Variants in MAFK observed in about 807,000 individuals in gnomAD.
MAFK encodes transcription factor MafK.
Under a neutral mutation model 9.2 loss-of-function variants are expected in MAFK, and 1 was observed. That is an observed-to-expected ratio of 0.11 (90% confidence interval 0.04 to 0.52). The LOEUF is 0.52. MAFK is among the 20% of genes least tolerant of loss of function. MAFK has a pLI of 0.94. For missense variants in MAFK, 207 were observed against 236.0 expected, an observed-to-expected ratio of 0.88 and a Z score of 0.81; for synonymous variants, 110 against 107.4, an observed-to-expected ratio of 1.02 and a Z score of -0.15.
At position 1,540,277 on chromosome 7, in the gene MAFK, C is replaced by T. The variant is rs778713521; in HGVS notation, c.373C>T (p.Pro125Ser). 3 of 1,611,580 alleles carry T rather than the reference C, an allele frequency of 1.9e-6. No homozygotes were observed. The highest frequency in any genetic ancestry group is 2.5e-6 in the Non-Finnish European group (3 of 1,179,324). Residue 125 changes from proline to serine, a missense_variant, in exon 3 of 3, where the codon CCT becomes TCT. Pro to Ser is a moderately conservative substitution (Grantham distance 74). Coordinates refer to ENST00000343242, the MANE Select transcript of MAFK (RefSeq NM_002360.4). ...CTTCGCGCGCACCGTGGCCCGGGGA[C>T]CTGTGGCGCCCTCCAAGGTGGCCAC... ...QTFARTVARG[P>S]VAPSKVATTS...
At position 1,541,407 on chromosome 7, in the gene MAFK, C is replaced by G. The variant is rs773910538; in HGVS notation, c.*1032C>G. ...GCAGTCTAGGGAGAGGGGGTGCAGC[C>G]TGGGGGATGTTGGTGGACATGGATG... On this transcript the variant is annotated 3_prime_UTR_variant, in exon 3 of 3. Transcript: ENST00000343242. 6.5e-6 allele frequency: 1 copy of G among 153,018 alleles called. No individual in the cohort carries two copies. The highest frequency in any genetic ancestry group is 2.4e-5 in the African/African-American group (1 of 41,268). The allele number at this position is 153,018 out of a possible 1,614,324, so 9.5% of individuals were successfully genotyped here.
At chr7:1,537,707 C>T (rs945075584) in intron 1 of MAFK, 21 of 985,476 alleles carry the variant, frequency 2.1e-5, no homozygotes, top group Middle Eastern at 5.2e-4. Context: ...ACCTGTGCGG[C>T]CCTCTTGTTG....
At chr7:1,538,515 C>G (rs1349324489) in intron 1 of MAFK, 5 of 815,428 alleles carry the variant, frequency 6.1e-6, no homozygotes, top group Non-Finnish European at 7.4e-6. Context: ...GGCCTCCACC[C>G]AGGCCCACCG....
rs1783967352 is a variant in MAFK, at chr7:1,534,085, A to G, written c.-45+3187A>G. 2.7e-6 allele frequency: 1 copy of G among 373,010 alleles called. No individual in the cohort carries two copies. The highest frequency in any genetic ancestry group is 1.9e-5 in the South Asian group (1 of 53,968). 23.1% of individuals were successfully genotyped at this position (373,010 alleles called of 1,614,324 possible). A position where few individuals can be genotyped will look rare whatever the true frequency, so the allele number is the denominator to read the frequency against. ...CAGACGTCCTCCAAGCCGGGCCGAC[A>G]GTCATGGCTTGCTGGAGGGCAGCCA... is the stretch of plus-strand genomic sequence containing the variant. On this transcript the variant is annotated intron_variant, in intron 1 of 2. Coordinates refer to ENST00000343242, the MANE Select transcript of MAFK (RefSeq NM_002360.4). The surrounding 1 kb of genome is among the most constrained non-coding windows in gnomAD (Gnocchi z 4.3).
chr7:1,540,574 CG>C lies in MAFK; in HGVS notation c.*201del. 3 of 590,350 alleles carry C rather than the reference CG, an allele frequency of 5.1e-6. No individual in the cohort carries two copies. Among genetic ancestry groups the C allele is most frequent in the Admixed American group, 6.9e-5 (2 of 28,916 alleles). 36.6% of individuals were successfully genotyped at this position (590,350 alleles called of 1,614,324 possible). ...CTCCCGTGGGCCCAGAGCTGCACGC[CG>C]GTCCACAGACACACTCACGCCCGCC... On this transcript the variant is annotated 3_prime_UTR_variant, in exon 3 of 3. Transcript: ENST00000343242.
chr7:1,531,066 C>T (rs532209344), intron 1 of MAFK, among the ~76,000 whole-genome samples, 168 bp downstream of exon 1: 1 of 147,610 alleles, frequency 6.8e-6, no homozygotes. Context: ...CGGCGCGGCC[C>T]GGGCACCTGC....
At chr7:1,537,599 C>T (rs1404516063) in intron 1 of MAFK, 43 of 985,436 alleles carry the variant, frequency 4.4e-5, no homozygotes, top group African/African-American at 7.0e-5. Context: ...TCCCCGGGAC[C>T]GGCTGGTGCC....
At chr7:1,539,285 G>A (rs2128552281) in intron 2 of MAFK, 57 bp downstream of exon 2, 4 of 1,410,428 alleles carry the variant, frequency 2.8e-6, no homozygotes, top group Non-Finnish European at 3.9e-6. Context: ...AAGGCCCCCG[G>A]CCCGACAGCC....
chr7:1,534,800 A>G lies in MAFK; in HGVS notation c.-45+3902A>G. 2.8e-6 allele frequency: 1 copy of G among 362,298 alleles called. No individual in the cohort carries two copies. The highest frequency in any genetic ancestry group is 5.6e-6 in the Non-Finnish European group (1 of 177,474). The allele number at this position is 362,298 out of a possible 1,614,324, so 22.4% of individuals were successfully genotyped here. A position where few individuals can be genotyped will look rare whatever the true frequency, so the allele number is the denominator to read the frequency against. The stretch of plus-strand genomic sequence containing the variant: ...TGCGTCCTCTCATCTGGGAAGAATC[A>G]GAGCCCCAAAGCTGAAATCCCCGTT... On this transcript the variant is annotated intron_variant, in intron 1 of 2. Transcript: ENST00000343242. The surrounding 1 kb of genome is among the most constrained non-coding windows in gnomAD (Gnocchi z 4.3).
At chr7:1,539,916 C>G (rs892013093) in intron 2 of MAFK, 25 bp from the exon 3 acceptor site, 4 of 1,489,164 alleles carry the variant, frequency 2.7e-6, no homozygotes, top group Non-Finnish European at 3.6e-6. Flanking sequence ...TCTCCCGCCG[C>G]TGACCCCGCA....
chr7:1,539,952 G>A lies in MAFK; in HGVS notation c.48G>A (p.Glu16=). ...CTGTGGCCCCCCAGGTCAAGAAGGA[G>A]GCGGGCGAGAACGCCCCGGTGCTCA... ...KPNKALKVKK[E]AGENAPVLSD... is the part of the protein sequence containing the mutation. Residue 16 remains glutamate, a synonymous_variant, in exon 3 of 3, where the codon GAG becomes GAA. Coordinates refer to ENST00000343242, the MANE Select transcript of MAFK (RefSeq NM_002360.4). 1 of 1,531,654 alleles carries A rather than the reference G, an allele frequency of 6.5e-7. No homozygotes were observed. The highest frequency in any genetic ancestry group is 8.8e-7 in the Non-Finnish European group (1 of 1,134,684). 94.9% of individuals were successfully genotyped at this position (1,531,654 alleles called of 1,614,324 possible).
At chr7:1,537,465 A>T in intron 1 of MAFK, 1 of 985,504 alleles carries the variant, frequency 1.0e-6, no homozygotes, top group Non-Finnish European at 1.2e-6. Flanking sequence ...AAAGTTTCTC[A>T]TGGTGCTCCC....
In MAFK at chr7:1,532,982, CTATT is replaced by C. The variant is rs1009202974; in HGVS notation, c.-45+2090_-45+2093del. On this transcript the variant is annotated intron_variant, in intron 1 of 2. Transcript: ENST00000343242. This position sits in a 1 kb window ranked among gnomAD's most constrained non-coding sequence, Gnocchi z 4.5. ...CGCGAATGGAAGATGCCTTTCCCCG[CTATT>C]TATTTTTGCTTTTTATAAGTCACAG... Among the ~76,000 whole-genome samples, 4 of 152,190 alleles carry C rather than the reference CTATT, an allele frequency of 2.6e-5. No individual in the cohort carries two copies. Among genetic ancestry groups the C allele is most frequent in the Non-Finnish European group, 4.4e-5 (3 of 68,044 alleles).
intron 1 of MAFK, among the ~76,000 whole-genome samples, chr7:1,531,774 CT>C (rs1421215937): frequency 6.6e-6 from 1 of 152,210 alleles, no homozygotes; most frequent in Non-Finnish European, 1.5e-5. Flanking sequence ...CCCGCCTGGC[CT>C]TGGCCCTTGA....
chr7:1,532,455 T>C lies in MAFK; in HGVS notation c.-45+1557T>C, dbSNP rs541541725. Among the ~76,000 whole-genome samples the C allele has an allele frequency of 6.6e-6, 1 of 152,310 alleles. No homozygotes were observed. Among genetic ancestry groups the C allele is most frequent in the Admixed American group, 6.5e-5 (1 of 15,292 alleles). On this transcript the variant is annotated intron_variant, in intron 1 of 2. Coordinates refer to ENST00000343242, the MANE Select transcript of MAFK (RefSeq NM_002360.4). This position sits in a 1 kb window ranked among gnomAD's most constrained non-coding sequence, Gnocchi z 4.5. ...CTTTTAAAACTAGACCTCTCATTAT[T>C]CCAAAATAAGACATTTATTAAAGCA...
At chr7:1,539,615 A>C (rs1784126523) in intron 2 of MAFK, among the ~76,000 whole-genome samples, 2 of 152,234 alleles carry the variant, frequency 1.3e-5, no homozygotes, top group African/African-American at 4.8e-5. Flanking sequence ...TGCCGCCTCC[A>C]CAATGGCGTG....
At position 1,540,490 on chromosome 7, in the gene MAFK, C is replaced by A; in HGVS notation, c.*115C>A. 9.3e-7 allele frequency: 1 copy of A among 1,078,186 alleles called. No homozygotes were observed. The highest frequency in any genetic ancestry group is 1.3e-6 in the Non-Finnish European group (1 of 770,172). 66.8% of individuals were successfully genotyped at this position (1,078,186 alleles called of 1,614,324 possible). On this transcript the variant is annotated 3_prime_UTR_variant, in exon 3 of 3. Transcript: ENST00000343242. The stretch of plus-strand genomic sequence containing the variant: ...CTCGACATCCGAGTCCAAGCGCAGG[C>A]CCCTCGGGCGCAGGCAGCTCACACC...
At position 1,534,892 on chromosome 7, in the gene MAFK, T is replaced by G. The variant is rs1183468391; in HGVS notation, c.-45+3994T>G. On this transcript the variant is annotated intron_variant, in intron 1 of 2. Transcript: ENST00000343242. The surrounding 1 kb of genome is among the most constrained non-coding windows in gnomAD (Gnocchi z 4.3). ...TCCAGCCGTCAGCTGCTCAACTCAC[T>G]TTTGCACTCTCTCTTTTTTTTTTTC... The G allele has an allele frequency of 3.4e-6, 1 of 294,170 alleles. No individual in the cohort carries two copies. Among genetic ancestry groups the G allele is most frequent in the African/African-American group, 2.2e-5 (1 of 45,442 alleles). The allele number at this position is 294,170 out of a possible 1,614,324, so 18.2% of individuals were successfully genotyped here.
chr7:1,532,616 C>T lies in MAFK; in HGVS notation c.-45+1718C>T, dbSNP rs866749007. Among the ~76,000 whole-genome samples, 1 of 152,164 alleles carries T rather than the reference C, an allele frequency of 6.6e-6. No individual in the cohort carries two copies. The highest frequency in any genetic ancestry group is 2.4e-5 in the African/African-American group (1 of 41,434). On this transcript the variant is annotated intron_variant, in intron 1 of 2. Coordinates refer to ENST00000343242, the MANE Select transcript of MAFK (RefSeq NM_002360.4). The surrounding 1 kb of genome is among the most constrained non-coding windows in gnomAD (Gnocchi z 4.5). ...TTACCGAGGGTCAGGGTTGTCGGGG[C>T]GCCAGCCTTTGTGTGCACCCGGGAG...
Sources: gnomAD v4.1 joint callset for allele counts (sites outside exome capture counted in the v4.1 genomes callset) on GRCh38, gnomAD v4.1.1 for gene constraint, Gnocchi (gnomAD v3.1) non-coding constraint, MANE v1.5 for transcripts, NCBI Gene and HGNC (gene_info 2026-07-23, HGNC 2026-07-21) for gene names.